GPC5: variants seen among roughly 807,000 people sequenced by gnomAD.
GPC5 encodes glypican-5.
In GPC5, 47 loss-of-function variants were observed where a neutral mutation model predicts 53.9. The observed-to-expected ratio is 0.87, with a 90% CI of 0.69 to 1.11. The LOEUF is 1.11. Among genes scored for constraint, GPC5 ranks in the 50% most tolerant of loss-of-function variants. The pLI, the probability that GPC5 is intolerant of heterozygous loss-of-function variation, is 0.00. For missense variants in GPC5, 748 were observed against 713.1 expected, an observed-to-expected ratio of 1.05 and a Z score of -0.56; for synonymous variants, 286 against 263.3, an observed-to-expected ratio of 1.09 and a Z score of -0.84.
chr13:92,760,553 A>G (rs1594487763), intron 7 of GPC5, among the ~76,000 whole-genome samples: 1 of 149,388 alleles, frequency 6.7e-6, no homozygotes, highest in East Asian at 2.0e-4. Flanking sequence ...CATATTTAAG[A>G]CTTGTTTTTT....
chr13:91,709,933 T>C lies in GPC5; in HGVS notation c.1020+16052T>C, dbSNP rs1028405512. Among the ~76,000 whole-genome samples, 14 of 152,234 alleles carry C rather than the reference T, an allele frequency of 9.2e-5. No individual in the cohort carries two copies. The East Asian group carries it at 2.5e-3, about 27-fold the overall frequency. On this transcript the variant is annotated intron_variant, in intron 3 of 7. Transcript: ENST00000377067. ...CTGAAAAAATACAAGCCCCATAGCA[T>C]GGTGTAAAGTTCCCTTTGTAGCGAT...
chr13:92,365,414 A>T (rs916361588), intron 7 of GPC5, among the ~76,000 whole-genome samples: 2 of 151,740 alleles, frequency 1.3e-5, no homozygotes, highest in African/African-American at 4.9e-5. Flanking sequence ...TTAATGAGTG[A>T]GTGGTGAGTG....
chr13:91,840,275 T>A (rs1019747858), intron 5 of GPC5, among the ~76,000 whole-genome samples: 3 of 152,154 alleles, frequency 2.0e-5, no homozygotes, highest in Non-Finnish European at 4.4e-5. Context: ...GACTTATTCA[T>A]CTTTCTCTTT....
intron 7 of GPC5, among the ~76,000 whole-genome samples, chr13:92,537,817 C>T (rs936142030): frequency 1.3e-5 from 2 of 151,996 alleles, no homozygotes; most frequent in South Asian, 2.1e-4. Context: ...ATGAGGAAGG[C>T]GTTTTATAAA....
intron 7 of GPC5, among the ~76,000 whole-genome samples, chr13:92,651,250 A>AC: frequency 6.6e-6 from 1 of 151,914 alleles, no homozygotes; most frequent in Non-Finnish European, 1.5e-5. Flanking sequence ...ATTGAAAAAA[A>AC]AATAGAGTTA....
chr13:92,183,388 A>G (rs1470906606), intron 7 of GPC5, among the ~76,000 whole-genome samples: 2 of 152,104 alleles, frequency 1.3e-5, no homozygotes, highest in Non-Finnish European at 1.5e-5. Context: ...ATGTAGATAC[A>G]TATGGTAGCA....
chr13:91,412,618 G>C (rs1208359308), intron 1 of GPC5, among the ~76,000 whole-genome samples: 1 of 152,216 alleles, frequency 6.6e-6, no homozygotes, highest in Non-Finnish European at 1.5e-5. Flanking sequence ...CTGTGGATAT[G>C]TGAAGATTAG....
intron 6 of GPC5, among the ~76,000 whole-genome samples, chr13:92,044,973 A>T (rs543855310): frequency 6.6e-6 from 1 of 152,334 alleles, no homozygotes; most frequent in Admixed American, 6.5e-5. Flanking sequence ...TATTCTAAAT[A>T]GGTTCATATT....
chr13:92,538,085 G>A (rs1246312462), intron 7 of GPC5, among the ~76,000 whole-genome samples: 1 of 152,064 alleles, frequency 6.6e-6, no homozygotes, highest in Non-Finnish European at 1.5e-5. Context: ...CAACTAAAGT[G>A]TTTTGACTCC....
At chr13:92,835,648 C>A (rs1045314377) in intron 7 of GPC5, among the ~76,000 whole-genome samples, 1 of 151,902 alleles carries the variant, frequency 6.6e-6, no homozygotes, top group Non-Finnish European at 1.5e-5. Flanking sequence ...CATATTGCAA[C>A]AAACATGTTT....
At chr13:92,069,408 A>ATG (rs67467167) in intron 6 of GPC5, among the ~76,000 whole-genome samples, 10,703 of 143,116 alleles carry the variant, frequency 0.075, 440 homozygotes, top group Middle Eastern at 0.17. Flanking sequence ...GTGTGCGTGC[A>ATG]TGTGTGTGTG....
chr13:91,602,504 T>C (rs1435415156), intron 2 of GPC5, among the ~76,000 whole-genome samples: 1 of 152,238 alleles, frequency 6.6e-6, no homozygotes, highest in Non-Finnish European at 1.5e-5. Flanking sequence ...AGCTTTTATA[T>C]TTTTGTCTTT....
chr13:91,860,525 C>CTTTTTTTT (rs553332919), intron 5 of GPC5, among the ~76,000 whole-genome samples: 1 of 132,214 alleles, frequency 7.6e-6, no homozygotes, highest in African/African-American at 2.8e-5. Context: ...TTCTTTATTT[C>CTTTTTTTT]TTTTTTTTTT....
intron 5 of GPC5, among the ~76,000 whole-genome samples, chr13:91,773,403 G>T (rs1446629535): frequency 6.6e-6 from 1 of 151,950 alleles, no homozygotes; most frequent in Non-Finnish European, 1.5e-5. Context: ...AGTAACTAAA[G>T]TAGACATAAG....
At chr13:91,712,762 C>G (rs1162804400) in intron 3 of GPC5, among the ~76,000 whole-genome samples, 1 of 151,984 alleles carries the variant, frequency 6.6e-6, no homozygotes, top group East Asian at 1.9e-4. Context: ...CACAAAACCA[C>G]TCTTACCCTG....
intron 7 of GPC5, among the ~76,000 whole-genome samples, chr13:92,756,165 G>A (rs1481595682): frequency 2.0e-5 from 3 of 152,126 alleles, no homozygotes; most frequent in Admixed American, 6.5e-5. Flanking sequence ...GGGATGCAAG[G>A]CTGGTTCATT....
At chr13:91,592,967 T>C (rs2065855) in intron 2 of GPC5, among the ~76,000 whole-genome samples, 9,292 of 152,190 alleles carry the variant, frequency 0.061, 363 homozygotes, top group Non-Finnish European at 0.087. Context: ...GGGCCAGGGG[T>C]GCCCCTGTCT....
chr13:92,259,575 T>C (rs532726410), intron 7 of GPC5, among the ~76,000 whole-genome samples: 2 of 152,278 alleles, frequency 1.3e-5, no homozygotes, highest in African/African-American at 4.8e-5. Context: ...TGCCTTGCCT[T>C]GCACTTTGAC....
At chr13:91,775,009 A>G (rs1187709828) in intron 5 of GPC5, among the ~76,000 whole-genome samples, 1 of 152,174 alleles carries the variant, frequency 6.6e-6, no homozygotes, top group East Asian at 1.9e-4. Flanking sequence ...GCTAGGTGAA[A>G]TGGGTAAGAG....
Sources: allele counts gnomAD v4.1 joint callset (sites outside exome capture counted in the v4.1 genomes callset), GRCh38; gene constraint gnomAD v4.1.1; transcripts MANE v1.5; gene names NCBI Gene and HGNC (gene_info 2026-07-23, HGNC 2026-07-21).